The following CEP57 variants were observed in gnomAD, a reference collection of about 807,000 sequenced individuals.
CEP57 encodes centrosomal protein of 57 kDa.
Under a neutral mutation model 68.0 loss-of-function variants are expected in CEP57, and 40 were observed. The ratio of observed to expected loss-of-function variants is 0.59; its 90% CI spans 0.46 to 0.77. CEP57 has a LOEUF of 0.77. Ranked by LOEUF, CEP57 falls within the 30% of genes least tolerant of loss-of-function variation. The pLI, the probability that CEP57 is intolerant of heterozygous loss-of-function variation, is 0.00. For synonymous variants in CEP57, 219 were observed against 198.7 expected (o/e 1.10, Z -0.86); for missense variants, 606 against 580.7 (o/e 1.04, Z -0.45).
rs761802161 is a variant in CEP57 at position 95,829,326 on chromosome 11, G to A, written c.1267G>A (p.Ala423Thr). ...NQITKVRKYQ[A>T]QLEKQKLEKQ... The stretch of plus-strand genomic sequence containing the variant: ...AATAACTAAAGTTCGAAAATACCAA[G>A]CCCAGGTAACTCAGTTTTCCTTCAC... Residue 423 changes from alanine (A) to threonine (T), a missense_variant, in exon 10 of 11, where the codon GCC becomes ACC. By Grantham distance (58) the Ala-to-Thr change is moderately conservative. Transcript: ENST00000325542. 4.3e-6 allele frequency: 7 copies of A among 1,613,074 alleles called. No homozygotes were observed. Among genetic ancestry groups the A allele is most frequent in the Non-Finnish European group, 5.9e-6 (7 of 1,179,592 alleles).
chr11:95,809,049 C>CA (rs1861935406), intron 2 of CEP57, among the ~76,000 whole-genome samples: 1 of 152,182 alleles, frequency 6.6e-6, no homozygotes, highest in Admixed American at 6.5e-5. Context: ...TTAAGAAACT[C>CA]ACTCAAAACC....
At chr11:95,797,410 C>T (rs529195708) in intron 1 of CEP57, among the ~76,000 whole-genome samples, 99 of 152,134 alleles carry the variant, frequency 6.5e-4, no homozygotes, top group African/African-American at 2.0e-3. Flanking sequence ...TCAAGTGATC[C>T]GCCCAGCTCG....
chr11:95,831,331 G>C lies in CEP57; in HGVS notation c.*75G>C. On this transcript the variant is annotated 3_prime_UTR_variant, in exon 11 of 11. Transcript: ENST00000325542. Reference sequence around the variant, plus strand: ...CAGATGATGACAATTTACTTCCCAGGTCTCATACTCACTTATGTTGGAATT... The same window carrying C: ...CAGATGATGACAATTTACTTCCCAGCTCTCATACTCACTTATGTTGGAATT... 1 of 1,042,024 alleles carries C rather than the reference G, an allele frequency of 9.6e-7. No homozygotes were observed. Among genetic ancestry groups the C allele is most frequent in the Non-Finnish European group, 1.5e-6 (1 of 678,716 alleles). 64.5% of individuals were successfully genotyped at this position (1,042,024 alleles called of 1,614,324 possible).
At chr11:95,797,597 A>G (rs1861404300) in intron 1 of CEP57, among the ~76,000 whole-genome samples, 1 of 152,304 alleles carries the variant, frequency 6.6e-6, no homozygotes, top group Non-Finnish European at 1.5e-5. Context: ...AGGATACCCT[A>G]TCACTTAAGA....
upstream of CEP57, chr11:95,790,068 C>G (rs1220619619): frequency 6.4e-6 from 1 of 156,326 alleles, no homozygotes; most frequent in Non-Finnish European, 1.4e-5. Context: ...TTCTCTGCCG[C>G]AACTTTTTTT....
Position 95,832,502 on chromosome 11 carries a change from CCA to C in CEP57, c.*1247_*1248del, listed in dbSNP as rs1863048930. 6.6e-6 allele frequency: 1 copy of C among 152,080 alleles called. No individual in the cohort carries two copies. Among genetic ancestry groups the C allele is most frequent in the African/African-American group, 2.4e-5 (1 of 41,418 alleles). 9.4% of individuals were successfully genotyped at this position (152,080 alleles called of 1,614,324 possible). On this transcript the variant is annotated 3_prime_UTR_variant, in exon 11 of 11. Transcript: ENST00000325542. ...AAATTGTAAACTTGTGCTTCTGTGT[CCA>C]GTTTTCTAATGAGTAGGTTCGTAGC...
chr11:95,797,531 C>T (rs1213595720), intron 1 of CEP57, among the ~76,000 whole-genome samples: 2 of 152,074 alleles, frequency 1.3e-5, no homozygotes, highest in African/African-American at 4.8e-5. Context: ...CAGAAGATGC[C>T]TTCAAACCTG....
intron 2 of CEP57, among the ~76,000 whole-genome samples, chr11:95,801,998 A>G (rs1050732364): frequency 2.0e-5 from 3 of 152,190 alleles, no homozygotes; most frequent in African/African-American, 7.2e-5. Context: ...ATGGGAAGGA[A>G]AGACACAGAA....
intron 8 of CEP57, chr11:95,827,375 T>G (rs587123): frequency 0.29 from 70,895 of 246,012 alleles, 12,094 homozygotes; most frequent in Non-Finnish European, 0.37. Context: ...GGTGATCTGA[T>G]AATGGACTGA....
In CEP57 at chr11:95,807,416, T is replaced by A. The variant is rs748882594; in HGVS notation, c.203-5516T>A. Among the ~76,000 whole-genome samples the A allele has an allele frequency of 2.6e-5, 4 of 151,946 alleles. No individual in the cohort carries two copies. The South Asian group carries it at 6.2e-4, about 24-fold the overall frequency. On this transcript the variant is annotated intron_variant, in intron 2 of 10. Transcript: ENST00000325542. ...TTCAAACGATCGGTGATAACAAACT[T>A]CTCTGAGCTAAAGGAAGATATTTGA... is the stretch of plus-strand genomic sequence containing the variant.
intron 8 of CEP57, among the ~76,000 whole-genome samples, chr11:95,824,880 T>C (rs1862672678): frequency 1.3e-5 from 2 of 152,218 alleles, no homozygotes; most frequent in Admixed American, 1.3e-4. Context: ...ACAACAAGAA[T>C]GACCCTTTGA....
intron 2 of CEP57, among the ~76,000 whole-genome samples, chr11:95,810,673 A>G (rs911211813): frequency 2.0e-5 from 3 of 152,232 alleles, no homozygotes; most frequent in African/African-American, 7.2e-5. Flanking sequence ...GAGAACTACA[A>G]ACCACTGCTC....
At chr11:95,809,958 A>G (rs895681191) in intron 2 of CEP57, among the ~76,000 whole-genome samples, 10 of 152,250 alleles carry the variant, frequency 6.6e-5, no homozygotes, top group African/African-American at 2.4e-4. Flanking sequence ...TCAATAAAAT[A>G]CTGGCAAACC....
intron 4 of CEP57, 22 bp from the exon 5 acceptor site, chr11:95,817,765 C>T (rs141140748): frequency 1.4e-5 from 20 of 1,449,006 alleles, no homozygotes; most frequent in Middle Eastern, 1.7e-4. Context: ...ATTATCAAGC[C>T]GTATTGAATA....
chr11:95,832,078 C>T lies in CEP57; in HGVS notation c.*822C>T, dbSNP rs1863027799. Reference sequence around the variant, plus strand: ...GTTTTTAATCTTGAAACTTAGAGAACCCTTTGAATATTTGCTTTTACTGGT... The same window carrying T: ...GTTTTTAATCTTGAAACTTAGAGAATCCTTTGAATATTTGCTTTTACTGGT... On this transcript the variant is annotated 3_prime_UTR_variant, in exon 11 of 11. Transcript: ENST00000325542. 1 of 152,012 alleles carries T rather than the reference C, an allele frequency of 6.6e-6. No individual in the cohort carries two copies. The highest frequency in any genetic ancestry group is 2.4e-5 in the African/African-American group (1 of 41,366). 9.4% of individuals were successfully genotyped at this position (152,012 alleles called of 1,614,324 possible).
intron 6 of CEP57, among the ~76,000 whole-genome samples, 187 bp downstream of exon 6, chr11:95,819,091 A>G (rs1360281609): frequency 1.3e-5 from 2 of 152,214 alleles, no homozygotes; most frequent in Admixed American, 1.3e-4. Flanking sequence ...AAATTTGAAC[A>G]GTTTTTTAGC....
chr11:95,795,323 GAT>G (rs1269549909), intron 1 of CEP57, among the ~76,000 whole-genome samples: 6 of 151,980 alleles, frequency 3.9e-5, no homozygotes, highest in Non-Finnish European at 8.8e-5. Context: ...TTAATTGTGT[GAT>G]ATATATTTTC....
chr11:95,827,682 CTACTT>C (rs753046557), intron 8 of CEP57, 99 bp from the exon 9 acceptor site: 123 of 1,291,060 alleles, frequency 9.5e-5, no homozygotes, highest in Non-Finnish European at 1.2e-4. Flanking sequence ...TTTATATACT[CTACTT>C]TAGGGGGTGG....
At chr11:95,824,104 G>A (rs1008633611) in intron 8 of CEP57, among the ~76,000 whole-genome samples, 2 of 150,086 alleles carry the variant, frequency 1.3e-5, no homozygotes, top group African/African-American at 4.9e-5. Flanking sequence ...AAATGATCCC[G>A]GCATGTTGGC....
Sources: gnomAD v4.1 joint callset for allele counts (sites outside exome capture counted in the v4.1 genomes callset) on GRCh38, gnomAD v4.1.1 for gene constraint, MANE v1.5 for transcripts, NCBI Gene and HGNC (gene_info 2026-07-23, HGNC 2026-07-21) for gene names.